WASHC5: variants seen among roughly 807,000 people sequenced by gnomAD.
The protein encoded by WASHC5 is WASH complex subunit strumpellin.
Under a neutral mutation model 150.4 loss-of-function variants are expected in WASHC5, and 101 were observed. That is an observed-to-expected ratio of 0.67 (90% CI 0.57 to 0.79). WASHC5 has a LOEUF of 0.79. Ranked by LOEUF, WASHC5 falls within the 30% of genes least tolerant of loss-of-function variation. The probability of loss-of-function intolerance (pLI) is 0.00; values close to 1 mark genes in which losing one functional copy is unlikely to be tolerated. For synonymous variants in WASHC5, 467 were observed against 491.2 expected (o/e 0.95, Z 0.65); for missense variants, 1,195 against 1,396.3 (o/e 0.86, Z 2.30).
At chr8:125,071,075 AAAG>A (rs1370601956) in intron 9 of WASHC5, among the ~76,000 whole-genome samples, 3 of 152,228 alleles carry the variant, frequency 2.0e-5, no homozygotes, top group Admixed American at 6.5e-5. Context: ...CTGGAAGAAC[AAAG>A]AAGTGCTGCA....
chr8:125,050,537 G>C (rs1350174532), intron 18 of WASHC5, 27 bp downstream of exon 18: 4 of 1,536,660 alleles, frequency 2.6e-6, no homozygotes, highest in Non-Finnish European at 3.6e-6. Flanking sequence ...CGGAGAAGAG[G>C]ACAGGCCCAC....
Position 125,067,750 on chromosome 8 carries a change from T to G in WASHC5, c.1151-31A>C, listed in dbSNP as rs530348351. The G allele has an allele frequency of 5.0e-6, 8 of 1,608,410 alleles. No homozygotes were observed. In the African/African-American group the frequency reaches 8.0e-5, roughly 16 times the overall value. On this transcript the variant is annotated intron_variant, in intron 9 of 28. Transcript: ENST00000318410. ...AACAGGAAAAGTGTTACCTGCTTAC[T>G]AAATGTGTAGAAAATATCTATGAAA...
intron 1 of WASHC5, among the ~76,000 whole-genome samples, chr8:125,090,329 G>T (rs1817565700): frequency 6.6e-6 from 1 of 152,172 alleles, no homozygotes; most frequent in African/African-American, 2.4e-5. Flanking sequence ...CTAAGAGGTA[G>T]GTGGATGGCT....
chr8:125,070,065 C>G (rs915911204), intron 9 of WASHC5, among the ~76,000 whole-genome samples: 1 of 152,156 alleles, frequency 6.6e-6, no homozygotes, highest in Non-Finnish European at 1.5e-5. Flanking sequence ...GGATTCATAC[C>G]CAGAGAACTG....
chr8:125,043,333 G>A (rs747952803), intron 23 of WASHC5, among the ~76,000 whole-genome samples: 3 of 149,838 alleles, frequency 2.0e-5, no homozygotes, highest in Non-Finnish European at 4.4e-5. Flanking sequence ...TAATCTCTTC[G>A]TCTTTCTTAT....
intron 7 of WASHC5, among the ~76,000 whole-genome samples, chr8:125,076,031 T>C (rs904850319): frequency 1.3e-5 from 2 of 152,084 alleles, no homozygotes; most frequent in African/African-American, 4.8e-5. Flanking sequence ...ATTCAGAAAA[T>C]GGAAAAGAAT....
In WASHC5 at chr8:125,059,482, G is replaced by A. The variant is rs772125838; in HGVS notation, c.1582C>T (p.Arg528Ter). The A allele has an allele frequency of 1.2e-6, 2 of 1,613,726 alleles. No homozygotes were observed. Among genetic ancestry groups the A allele is most frequent in the East Asian group, 2.2e-5 (1 of 44,890 alleles). Reference sequence around the variant, plus strand: ...CTGATCATTTGATGAAGAAACTTTCGAGTATCGGCAAGAAACTGACATACT... The same window carrying A: ...CTGATCATTTGATGAAGAAACTTTCAAGTATCGGCAAGAAACTGACATACT... Reference protein sequence around the residue: ...LQVCQFLADTRKFLHQMIRTI... With the variant: ...LQVCQFLADT The change falls in exon 13 of 29, where the codon CGA becomes TGA. Residue 528 changes from arginine to a stop codon, truncating the protein, a stop_gained. Coordinates refer to ENST00000318410, the MANE Select transcript of WASHC5 (RefSeq NM_014846.4). LOFTEE classifies it high-confidence loss of function.
rs761116230 is a variant in WASHC5, at chr8:125,056,679, C to T, written c.2014G>A (p.Glu672Lys). 36 of 1,613,900 alleles carry T rather than the reference C, an allele frequency of 2.2e-5. No individual in the cohort carries two copies. Among genetic ancestry groups the T allele is most frequent in the Non-Finnish European group, 2.3e-5 (27 of 1,179,944 alleles). The change falls in exon 16 of 29, where the codon GAG (glutamate) becomes AAG (lysine). Residue 672 changes from glutamate (E) to lysine (K), a missense_variant and splice_region_variant. Coordinates refer to ENST00000318410, the MANE Select transcript of WASHC5 (RefSeq NM_014846.4). ...CAGAAGTCAGAGGGACACAGCACCT[C>T]GTATCGTGGGCCTAGCTGAGCATAG... ...RDYAQLGPRY[E>K]VAKLTHAISI...
At position 125,079,117 on chromosome 8, in the gene WASHC5, T is replaced by TAC. The variant is rs1817160856; in HGVS notation, c.519-188_519-187insGT. 5.3e-4 allele frequency among the ~76,000 whole-genome samples: 4 copies of TAC among 7,584 alleles called. 1 individual carries two copies. In the South Asian group the frequency reaches 0.018, roughly 34 times the overall value. The allele number at this position is 7,584 out of a possible 152,430, so 5.0% of individuals were successfully genotyped here. ...GTGTATATATATGTGTGTGTGTGTG[T>TAC]ATATATATATATATATATATATACA... On this transcript the variant is annotated intron_variant, in intron 5 of 28. Coordinates refer to ENST00000318410, the MANE Select transcript of WASHC5 (RefSeq NM_014846.4).
At chr8:125,028,756 G>T in intron 27 of WASHC5, 49 bp from the exon 28 acceptor site, 1 of 1,306,098 alleles carries the variant, frequency 7.7e-7, no homozygotes, top group Non-Finnish European at 1.1e-6. Flanking sequence ...CACATCATAA[G>T]CCCTTTTGGT....
At chr8:125,054,594 G>GAGGCC (rs1816346992) in intron 17 of WASHC5, among the ~76,000 whole-genome samples, 1 of 151,964 alleles carries the variant, frequency 6.6e-6, no homozygotes, top group Non-Finnish European at 1.5e-5. Flanking sequence ...AGCACTTTGG[G>GAGGCC]AGGCCGAGGC....
Position 125,061,171 on chromosome 8 carries a change from C to A in WASHC5, c.1432G>T (p.Glu478Ter). 6.2e-7 allele frequency: 1 copy of A among 1,606,998 alleles called. No homozygotes were observed. Among genetic ancestry groups the A allele is most frequent in the South Asian group, 1.1e-5 (1 of 90,870 alleles). ...AAAGACAATATTTGTTTTGAGATCT[C>A]TCTGAACCAAGCTTGAAGGTTTTCT... ...KNENLQAWFR[E>*]ISKQILSLNY... The change falls in exon 12 of 29, where the codon GAG (glutamate) becomes TAG (stop). Residue 478 changes from glutamate (E) to a stop codon, truncating the protein, a stop_gained. Transcript: ENST00000318410. LOFTEE classifies it high-confidence loss of function.
chr8:125,044,497 A>T, intron 21 of WASHC5, 39 bp downstream of exon 21: 3 of 1,609,372 alleles, frequency 1.9e-6, no homozygotes, highest in Non-Finnish European at 2.6e-6. Context: ...CCTCTCCCCC[A>T]GGGTGGCAGA....
intron 25 of WASHC5, 47 bp from the exon 26 acceptor site, chr8:125,037,380 C>G: frequency 9.2e-7 from 1 of 1,084,654 alleles, no homozygotes; most frequent in Non-Finnish European, 1.4e-6. Flanking sequence ...TCACATTGCA[C>G]AATACCACAG....
In WASHC5 at chr8:125,039,824, A is replaced by T. The variant is rs750010364; in HGVS notation, c.2925T>A (p.His975Gln). 3.1e-6 allele frequency: 5 copies of T among 1,613,704 alleles called. No individual in the cohort carries two copies. Among genetic ancestry groups the T allele is most frequent in the African/African-American group, 2.7e-5 (2 of 74,934 alleles). Residue 975 changes from histidine to glutamine, a missense_variant, in exon 24 of 29, where the codon CAT becomes CAA. Transcript: ENST00000318410. ...LNYSCRFDSK[H>Q]LAAALENLNK... ...TGAGATTCTCCAGAGCAGCTGCCAG[A>T]TGTTTAGAATCAAACCGACAAGAAT...
intron 25 of WASHC5, among the ~76,000 whole-genome samples, chr8:125,038,625 C>A (rs1042578809): frequency 6.6e-6 from 1 of 152,184 alleles, no homozygotes; most frequent in Non-Finnish European, 1.5e-5. Context: ...TGAGCTTTCA[C>A]CAGCGCTATA....
At chr8:125,083,620 A>G (rs1024666251) in intron 2 of WASHC5, 93 bp downstream of exon 2, 8 of 1,017,256 alleles carry the variant, frequency 7.9e-6, no homozygotes, top group African/African-American at 1.6e-5. Flanking sequence ...AGCTTTTTCC[A>G]TAATTCCTTA....
chr8:125,064,729 C>T (rs941613566), intron 10 of WASHC5, among the ~76,000 whole-genome samples: 2 of 151,890 alleles, frequency 1.3e-5, no homozygotes, highest in African/African-American at 4.8e-5. Flanking sequence ...CAGGCATGAA[C>T]TCTGATTTCT....
intron 21 of WASHC5, 76 bp downstream of exon 21, chr8:125,044,460 C>G (rs1815995384): frequency 1.3e-6 from 2 of 1,517,938 alleles, no homozygotes; most frequent in Admixed American, 1.7e-5. Flanking sequence ...TAAGTGAGTT[C>G]AAACTGCCCA....
Sources: allele counts gnomAD v4.1 joint callset (sites outside exome capture counted in the v4.1 genomes callset), GRCh38; gene constraint gnomAD v4.1.1; transcripts MANE v1.5; gene names NCBI Gene and HGNC (gene_info 2026-07-23, HGNC 2026-07-21).